HNRNPD: variants seen among roughly 807,000 people sequenced by gnomAD.
HNRNPD encodes heterogeneous nuclear ribonucleoprotein D.
Under a neutral mutation model 47.9 loss-of-function variants are expected in HNRNPD, and 3 were observed. That is an observed-to-expected ratio of 0.06 (90% CI 0.03 to 0.16). The LOEUF (loss-of-function observed/expected upper bound fraction) is 0.16, where lower values mean the gene tolerates loss of function less well. Among genes scored for constraint, HNRNPD ranks in the 10% least tolerant of loss-of-function variants. The pLI is 1.00. For synonymous variants in HNRNPD, 171 were observed against 165.1 expected (o/e 1.04, Z -0.28); for missense variants, 287 against 454.2 (o/e 0.63, Z 3.35).
Position 82,373,637 on chromosome 4 carries a change from C to T in HNRNPD, c.42G>A (p.Ala14=), listed in dbSNP as rs1405816254. ...CCGAGCCGCCTACCGCCGCCGTTGCCGCTGCCGCCGCCCCGTCCCCGCCGA... is the reference window on the plus strand; with the variant it reads ...CCGAGCCGCCTACCGCCGCCGTTGCTGCTGCCGCCGCCCCGTCCCCGCCGA... ...EQFGGDGAAA[A]ATAAVGGSAG... is the part of the protein sequence containing the mutation. The change falls in exon 1 of 9, where the codon GCG becomes GCA. Residue 14 remains alanine (A), a synonymous_variant. Coordinates refer to ENST00000313899, the MANE Select transcript of HNRNPD (RefSeq NM_031370.3). 1.3e-6 allele frequency: 2 copies of T among 1,526,088 alleles called. No individual in the cohort carries two copies. The highest frequency in any genetic ancestry group is 1.7e-6 in the Non-Finnish European group (2 of 1,142,854). The allele number at this position is 1,526,088 out of a possible 1,614,324, so 94.5% of individuals were successfully genotyped here.
chr4:82,358,515 A>G lies in HNRNPD; in HGVS notation c.621+144T>C, dbSNP rs866975288. On this transcript the variant is annotated intron_variant, in intron 4 of 8. Transcript: ENST00000313899. ...CCAACCTTCAAAGACCTGCTAATGA[A>G]GTATTTACAATATCCTTATTCCAAA... is the stretch of plus-strand genomic sequence containing the variant. The G allele has an allele frequency of 4.3e-6, 3 of 701,250 alleles. 1 individual carries two copies. The South Asian group carries it at 6.0e-5, about 14-fold the overall frequency. The allele number at this position is 701,250 out of a possible 1,614,324, so 43.4% of individuals were successfully genotyped here. A position where few individuals can be genotyped will look rare whatever the true frequency, so the allele number is the denominator to read the frequency against.
intron 2 of HNRNPD, 111 bp downstream of exon 2, chr4:82,371,417 C>G: frequency 1.2e-6 from 1 of 819,818 alleles, no homozygotes; most frequent in South Asian, 1.6e-5. Context: ...ACTGTATGTA[C>G]TATGGTCTAG....
rs1390565857 is a variant in HNRNPD at position 82,353,335 on chromosome 4, GTATA to G, written c.*846_*849del. 2 of 152,010 alleles carry G rather than the reference GTATA, an allele frequency of 1.3e-5. No homozygotes were observed. The allele number at this position is 152,010 out of a possible 1,614,324, so 9.4% of individuals were successfully genotyped here. A position where few individuals can be genotyped will look rare whatever the true frequency, so the allele number is the denominator to read the frequency against. ...AAATAAGCACACACACATAAACACG[GTATA>G]TATTTCTTTAATCCTCCCTCAACAC... On this transcript the variant is annotated 3_prime_UTR_variant, in exon 9 of 9. Transcript: ENST00000313899.
At chr4:82,356,034 T>C (rs1723698488) in intron 7 of HNRNPD, 1 of 153,360 alleles carries the variant, frequency 6.5e-6, no homozygotes. Context: ...GGAGAGCAAC[T>C]ACCTTAGTTG....
At position 82,373,864 on chromosome 4, in the gene HNRNPD, C is replaced by G. The variant is rs1420165289; in HGVS notation, c.-186G>C. 7.5e-7 allele frequency: 1 copy of G among 1,327,446 alleles called. No individual in the cohort carries two copies. Among genetic ancestry groups the G allele is most frequent in the Admixed American group, 2.9e-5 (1 of 34,210 alleles). 82.2% of individuals were successfully genotyped at this position (1,327,446 alleles called of 1,614,324 possible). ...TCTCCCTGGCCTGCCCCCTTCGCCT[C>G]CCACTCTCGCGCGGCGCACACTCCC... On this transcript the variant is annotated 5_prime_UTR_variant, in exon 1 of 9. Transcript: ENST00000313899.
intron 2 of HNRNPD, among the ~76,000 whole-genome samples, chr4:82,366,023 A>C (rs1184545187): frequency 6.6e-6 from 1 of 152,098 alleles, no homozygotes; most frequent in Non-Finnish European, 1.5e-5. Context: ...TTTCCCCATC[A>C]TTAAAGAATA....
intron 1 of HNRNPD, 98 bp downstream of exon 1, chr4:82,373,348 G>A (rs1720193300): frequency 4.8e-6 from 7 of 1,461,144 alleles, no homozygotes; most frequent in African/African-American, 2.9e-5. Context: ...GGGGCCCGGA[G>A]AACGGGCTGA....
At chr4:82,361,634 G>A (rs1194566000) in intron 2 of HNRNPD, among the ~76,000 whole-genome samples, 28 of 152,182 alleles carry the variant, frequency 1.8e-4, no homozygotes, top group Admixed American at 1.8e-3. Flanking sequence ...AAAAAGCAAT[G>A]TTTATATTGG....
At chr4:82,367,405 T>C (rs532831828) in intron 2 of HNRNPD, among the ~76,000 whole-genome samples, 3 of 152,338 alleles carry the variant, frequency 2.0e-5, no homozygotes, top group Non-Finnish European at 4.4e-5. Context: ...TAGGTATCAA[T>C]GCTGAAGTCA....
chr4:82,358,211 T>G (rs533829990), intron 4 of HNRNPD: 1 of 153,994 alleles, frequency 6.5e-6, no homozygotes, highest in African/African-American at 2.4e-5. Flanking sequence ...GCCTCCCAAG[T>G]GCTGGGATTA....
At chr4:82,361,399 TCCA>T (rs1357900127) in intron 2 of HNRNPD, among the ~76,000 whole-genome samples, 5 of 152,214 alleles carry the variant, frequency 3.3e-5, no homozygotes, top group African/African-American at 1.2e-4. Context: ...GACCATAAGT[TCCA>T]CAACAGAAAT....
At chr4:82,369,918 G>A (rs1327150456) in intron 2 of HNRNPD, among the ~76,000 whole-genome samples, 2 of 152,306 alleles carry the variant, frequency 1.3e-5, no homozygotes, top group South Asian at 2.1e-4. Flanking sequence ...CGAGGCAGGC[G>A]GATCACCTGA....
chr4:82,359,375 A>G, intron 3 of HNRNPD, 96 bp downstream of exon 3: 2 of 822,682 alleles, frequency 2.4e-6, no homozygotes, highest in South Asian at 7.2e-5. Context: ...CTATACTATC[A>G]AAATGGGGAA....
chr4:82,370,962 C>T (rs866488506), intron 2 of HNRNPD, among the ~76,000 whole-genome samples: 16 of 128,266 alleles, frequency 1.2e-4, no homozygotes, highest in Middle Eastern at 3.9e-3. Flanking sequence ...CATTAGCCCA[C>T]CTTTTAATGG....
chr4:82,356,492 A>G, intron 7 of HNRNPD, 45 bp downstream of exon 7: 2 of 1,494,526 alleles, frequency 1.3e-6, no homozygotes, highest in South Asian at 2.3e-5. Flanking sequence ...AATTTGTACA[A>G]AATAAATGTC....
In HNRNPD at chr4:82,352,841, T is replaced by C. The variant is rs1438591511; in HGVS notation, c.*1344A>G. 1 of 152,220 alleles carries C rather than the reference T, an allele frequency of 6.6e-6. No homozygotes were observed. Among genetic ancestry groups the C allele is most frequent in the Admixed American group, 6.5e-5 (1 of 15,286 alleles). The allele number at this position is 152,220 out of a possible 1,614,324, so 9.4% of individuals were successfully genotyped here. ...ACTTTTGCTCATTAAAATGTTTGCT[T>C]AGTTGGAGGTCAAATTCTTAGCATC... is the stretch of plus-strand genomic sequence containing the variant. On this transcript the variant is annotated 3_prime_UTR_variant, in exon 9 of 9. Coordinates refer to ENST00000313899, the MANE Select transcript of HNRNPD (RefSeq NM_031370.3).
At chr4:82,369,905 G>C (rs181912842) in intron 2 of HNRNPD, among the ~76,000 whole-genome samples, 23 of 152,204 alleles carry the variant, frequency 1.5e-4, no homozygotes, top group Non-Finnish European at 2.8e-4. Context: ...CACTTGGGGA[G>C]GCCGAGGCAG....
Position 82,373,469 on chromosome 4 carries a change from G to A in HNRNPD, c.210C>T (p.Ala70=), listed in dbSNP as rs765450622. 9 of 1,567,198 alleles carry A rather than the reference G, an allele frequency of 5.7e-6. No homozygotes were observed. The highest frequency in any genetic ancestry group is 5.6e-5 in the Admixed American group (3 of 53,590). ...ACCCTTCATCCTCCTCGTTCTTACT[G>A]GCGTCAATCTTCGCCCCCTCCGACT... ...SAESEGAKID[A]SKNEEDEGHS... is the part of the protein sequence containing the mutation. Residue 70 remains alanine, a synonymous_variant, in exon 1 of 9, where the codon GCC becomes GCT. Coordinates refer to ENST00000313899, the MANE Select transcript of HNRNPD (RefSeq NM_031370.3).
rs774840220 is a variant in HNRNPD at position 82,364,078 on chromosome 4, T to G, written c.291-4439A>C. Among the ~76,000 whole-genome samples the G allele has an allele frequency of 2.0e-4, 30 of 152,010 alleles. 1 individual carries two copies. The highest frequency in any genetic ancestry group is 2.9e-4 in the Non-Finnish European group (20 of 67,996). On this transcript the variant is annotated intron_variant, in intron 2 of 8. Transcript: ENST00000313899. Reference sequence around the variant, plus strand: ...TGCAGCCTTGACCTCCTGGGCTCAGTTGGTCCTCCCACCTCAGCCTCACCA... The same window carrying G: ...TGCAGCCTTGACCTCCTGGGCTCAGGTGGTCCTCCCACCTCAGCCTCACCA...
Sources: allele counts gnomAD v4.1 joint callset (sites outside exome capture counted in the v4.1 genomes callset), GRCh38; gene constraint gnomAD v4.1.1; transcripts MANE v1.5; gene names NCBI Gene and HGNC (gene_info 2026-07-23, HGNC 2026-07-21).